HDAC10: variants seen among roughly 807,000 people sequenced by gnomAD.
HDAC10 encodes the protein histone deacetylase 10, also known as polyamine deacetylase HDAC10.
A neutral mutation model predicts 82.3 loss-of-function variants in HDAC10; 90 were observed. The observed-to-expected ratio is 1.09, with a 90% CI of 0.92 to 1.30. HDAC10 has a LOEUF of 1.30. Ranked by LOEUF, HDAC10 falls within the 50% of genes most tolerant of loss-of-function variation. The pLI is 0.00. For synonymous variants in HDAC10, 456 were observed against 391.7 expected, an observed-to-expected ratio of 1.16 and a Z score of -1.94; for missense variants, 934 against 876.3, an observed-to-expected ratio of 1.07 and a Z score of -0.83.
rs377073755 is a variant in HDAC10, at chr22:50,248,722, G to C, written c.846C>G (p.Phe282Leu). 6.4e-7 allele frequency: 1 copy of C among 1,568,712 alleles called. No homozygotes were observed. ...CCTGCAGCAGCTGTGTGAGGTGGGC[G>C]AAGCACTCTGGCGTGGCCTGCATTT... is the stretch of plus-strand genomic sequence containing the variant. ...EGQMQATPEC[F>L]AHLTQLLQVL... Residue 282 changes from phenylalanine (F) to leucine (L), a missense_variant, in exon 10 of 20, where the codon TTC (phenylalanine) becomes TTG (leucine). Phe to Leu is a conservative substitution (Grantham distance 22). Coordinates refer to ENST00000216271, the MANE Select transcript of HDAC10 (RefSeq NM_032019.6). The surrounding 1 kb of genome is among the most constrained non-coding windows in gnomAD (Gnocchi z 5.4).
chr22:50,247,961 T>C lies in HDAC10; in HGVS notation c.1266A>G (p.Thr422=). The C allele has an allele frequency of 6.2e-7, 1 of 1,612,806 alleles. No individual in the cohort carries two copies. Among genetic ancestry groups the C allele is most frequent in the Non-Finnish European group, 8.5e-7 (1 of 1,179,964 alleles). The part of the protein sequence containing the change: ...TAVALTTPDI[T]LVLPPDVIQQ... ...GGATGACGTCAGGGGGCAGAACCAA[T>C]GTGATATCCGGCGTTGTCAGGGCAA... Residue 422 remains threonine, a synonymous_variant, in exon 13 of 20, where the codon ACA becomes ACG. Transcript: ENST00000216271.
rs904163308 is a variant in HDAC10 at position 50,248,540 on chromosome 22, C to T, written c.907-68G>A. ...GGGATGGGATGTCACCGGGAGAGCCCCTGCCTGGCTCTATCCCGGGCAGGA... is the reference window on the plus strand; with the variant it reads ...GGGATGGGATGTCACCGGGAGAGCCTCTGCCTGGCTCTATCCCGGGCAGGA... On this transcript the variant is annotated intron_variant, in intron 10 of 19. Transcript: ENST00000216271. This position sits in a 1 kb window ranked among gnomAD's most constrained non-coding sequence, Gnocchi z 5.4. The T allele has an allele frequency of 3.9e-6, 6 of 1,520,068 alleles. No individual in the cohort carries two copies. The Admixed American group carries it at 7.6e-5, about 19-fold the overall frequency. The allele number at this position is 1,520,068 out of a possible 1,614,324, so 94.2% of individuals were successfully genotyped here.
At position 50,246,738 on chromosome 22, in the gene HDAC10, G is replaced by T. The variant is rs2064958670; in HGVS notation, c.1515-3C>A. The T allele has an allele frequency of 1.2e-6, 2 of 1,612,594 alleles. No individual in the cohort carries two copies. Among genetic ancestry groups the T allele is most frequent in the Non-Finnish European group, 1.7e-6 (2 of 1,179,968 alleles). On this transcript the variant is annotated splice_polypyrimidine_tract_variant and splice_region_variant and intron_variant, in intron 15 of 19. Transcript: ENST00000216271. ...GTCCCAGGGCCACGCACAGCAGCCTGGAAGAAGAGCTGGCCTCAGGACAGG... is the reference window on the plus strand; with the variant it reads ...GTCCCAGGGCCACGCACAGCAGCCTTGAAGAAGAGCTGGCCTCAGGACAGG...
Position 50,251,129 on chromosome 22 carries a change from G to C in HDAC10, c.-97C>G. ...TCGGCCGGGAGCAGCCGGAGGCCTG[G>C]GACCTGCCTGGGGCGCAGGCGGGCG... On this transcript the variant is annotated 5_prime_UTR_variant, in exon 1 of 20. Transcript: ENST00000216271. 1 of 1,325,228 alleles carries C rather than the reference G, an allele frequency of 7.5e-7. No individual in the cohort carries two copies. Among genetic ancestry groups the C allele is most frequent in the Non-Finnish European group, 1.0e-6 (1 of 957,034 alleles). The allele number at this position is 1,325,228 out of a possible 1,614,324, so 82.1% of individuals were successfully genotyped here. A position where few individuals can be genotyped will look rare whatever the true frequency, so the allele number is the denominator to read the frequency against.
In HDAC10 at chr22:50,247,786, A is replaced by T; in HGVS notation, c.1338-10T>A. 6.2e-7 allele frequency: 1 copy of T among 1,612,786 alleles called. No homozygotes were observed. Among genetic ancestry groups the T allele is most frequent in the Non-Finnish European group, 8.5e-7 (1 of 1,179,838 alleles). ...CAGGGACTCGTGTGGCCTGTGGTGGACAGACCAGAGGGACACACAGACACG... is the reference window on the plus strand; with the variant it reads ...CAGGGACTCGTGTGGCCTGTGGTGGTCAGACCAGAGGGACACACAGACACG... On this transcript the variant is annotated splice_polypyrimidine_tract_variant and intron_variant, in intron 13 of 19. Transcript: ENST00000216271.
chr22:50,250,960 C>T lies in HDAC10; in HGVS notation c.59+14G>A, dbSNP rs1276934675. The stretch of plus-strand genomic sequence containing the variant: ...GTCCCTCCCCGCACCCCACCTCGGC[C>T]AGGTCCCACTTACTCGTCCCAGAGC... On this transcript the variant is annotated intron_variant, in intron 1 of 19. Coordinates refer to ENST00000216271, the MANE Select transcript of HDAC10 (RefSeq NM_032019.6). The T allele has an allele frequency of 6.2e-7, 1 of 1,612,080 alleles. No homozygotes were observed.
rs775045503 is a variant in HDAC10 at position 50,249,627 on chromosome 22, C to T, written c.563+8G>A. The T allele has an allele frequency of 1.2e-6, 2 of 1,612,826 alleles. No homozygotes were observed. Among genetic ancestry groups the T allele is most frequent in the South Asian group, 1.1e-5 (1 of 91,088 alleles). On this transcript the variant is annotated splice_region_variant and intron_variant, in intron 6 of 19. Transcript: ENST00000216271. The surrounding 1 kb of genome is among the most constrained non-coding windows in gnomAD (Gnocchi z 4.4). ...GCAGGGAAGGGTGGTTTCCGCACCC[C>T]TGCTCACCTGGGGTCATCCTCAAAG...
Position 50,245,312 on chromosome 22 carries a change from G to C in HDAC10, c.*195C>G. 1.6e-6 allele frequency: 1 copy of C among 626,810 alleles called. No individual in the cohort carries two copies. Among genetic ancestry groups the C allele is most frequent in the Non-Finnish European group, 2.9e-6 (1 of 347,188 alleles). The allele number at this position is 626,810 out of a possible 1,614,324, so 38.8% of individuals were successfully genotyped here. ...GGACGGGCCGGGGCGCGATGGGTGG[G>C]GCGGGGGCGAGGTGAGGTGAGGGGT... On this transcript the variant is annotated 3_prime_UTR_variant, in exon 20 of 20. Transcript: ENST00000216271.
intron 18 of HDAC10, 38 bp downstream of exon 18, chr22:50,245,872 C>G: frequency 1.3e-6 from 2 of 1,551,326 alleles, no homozygotes; most frequent in South Asian, 1.2e-5. Flanking sequence ...TCCTTTCCCT[C>G]GTCCCACCCC....
chr22:50,250,007 T>C (rs2065047302), intron 4 of HDAC10, 43 bp from the exon 5 acceptor site: 2 of 1,609,304 alleles, frequency 1.2e-6, no homozygotes, highest in South Asian at 2.2e-5. Context: ...AGGGTCGCCC[T>C]GGCCCCTCAC....
intron 14 of HDAC10, 43 bp from the exon 15 acceptor site, chr22:50,247,009 TCCC>T: frequency 7.6e-7 from 1 of 1,319,392 alleles, no homozygotes; most frequent in Non-Finnish European, 1.1e-6. Flanking sequence ...ACCAACCAAC[TCCC>T]AAGCCAGGTA....
chr22:50,250,138 A>T lies in HDAC10; in HGVS notation c.314T>A (p.Leu105Gln). Residue 105 changes from leucine to glutamine, a missense_variant, in exon 4 of 20, where the codon CTG (leucine) becomes CAG (glutamine). Transcript: ENST00000216271. ...FHPSTFHCAR[L>Q]AAGAGLQLVD... ...CAGCTGCAGTCCAGCCCCTGCGGCC[A>T]GCCGCGCGCAGTGAAAGGTACTCTG... 6.2e-7 allele frequency: 1 copy of T among 1,612,534 alleles called. No individual in the cohort carries two copies. The highest frequency in any genetic ancestry group is 2.2e-5 in the East Asian group (1 of 44,866).
In HDAC10 at chr22:50,246,732, C is replaced by T. The variant is rs1216786185; in HGVS notation, c.1518G>A (p.Leu506=). ...CCAGCTGTCCCAGGGCCACGCACAG[C>T]AGCCTGGAAGAAGAGCTGGCCTCAG... The part of the protein sequence containing the change: ...RRGLSHGAQR[L]LCVALGQLDR... Residue 506 remains leucine, a synonymous_variant, in exon 16 of 20, where the codon CTG becomes CTA. Transcript: ENST00000216271. 2 of 1,612,562 alleles carry T rather than the reference C, an allele frequency of 1.2e-6. No homozygotes were observed. The highest frequency in any genetic ancestry group is 1.1e-5 in the South Asian group (1 of 91,048).
At chr22:50,250,018 A>G (rs2065047956) in intron 4 of HDAC10, 45 bp downstream of exon 4, 2 of 1,604,452 alleles carry the variant, frequency 1.2e-6, no homozygotes, top group Non-Finnish European at 1.7e-6. Context: ...GGCCCCTCAC[A>G]GGGCCACCCA....
intron 16 of HDAC10, 118 bp from the exon 17 acceptor site, chr22:50,246,494 GC>G: frequency 9.5e-7 from 1 of 1,056,106 alleles, no homozygotes; most frequent in East Asian, 2.4e-5. Context: ...TGACTGCTGA[GC>G]CTCTGTGCTG....
chr22:50,250,041 C>T (rs1258541087), intron 4 of HDAC10, 22 bp downstream of exon 4: 1 of 1,611,632 alleles, frequency 6.2e-7, no homozygotes, highest in Non-Finnish European at 8.5e-7. Context: ...GAGGAGCAGC[C>T]AGGGGAAGGG....
Position 50,250,804 on chromosome 22 carries a change from T to C in HDAC10, c.161A>G (p.Glu54Gly), listed in dbSNP as rs2065072284. The change falls in exon 2 of 20, where the codon GAG (glutamate) becomes GGG (glycine). Residue 54 changes from glutamate to glycine, a missense_variant. By Grantham distance (98) the Glu-to-Gly change is moderately conservative. Coordinates refer to ENST00000216271, the MANE Select transcript of HDAC10 (RefSeq NM_032019.6). ...EQRCLRLSAR[E>G]ASEEELGLVH... ...CAGGCCCAGCTCCTCTTCCGAGGCC[T>C]CGCGGGCTGACAACCGCAGACACCT... 3 of 1,603,522 alleles carry C rather than the reference T, an allele frequency of 1.9e-6. No individual in the cohort carries two copies. The highest frequency in any genetic ancestry group is 2.6e-6 in the Non-Finnish European group (3 of 1,176,420).
chr22:50,246,971 G>C lies in HDAC10; in HGVS notation c.1423-5C>G. 6.3e-7 allele frequency: 1 copy of C among 1,588,208 alleles called. No homozygotes were observed. The highest frequency in any genetic ancestry group is 1.7e-4 in the Middle Eastern group (1 of 5,974). ...GGCTGCTATACCACTGTTCACCTGTGGGATGAATAAACAGTGGAGAATGAG... is the reference window on the plus strand; with the variant it reads ...GGCTGCTATACCACTGTTCACCTGTCGGATGAATAAACAGTGGAGAATGAG... On this transcript the variant is annotated splice_polypyrimidine_tract_variant and splice_region_variant and intron_variant, in intron 14 of 19. Coordinates refer to ENST00000216271, the MANE Select transcript of HDAC10 (RefSeq NM_032019.6).
At chr22:50,247,830 C>G in intron 13 of HDAC10, 54 bp from the exon 14 acceptor site, 1 of 1,612,628 alleles carries the variant, frequency 6.2e-7, no homozygotes, top group Non-Finnish European at 8.5e-7. Flanking sequence ...GCAGGTCAGG[C>G]ACACACAGGC....
Sources: gnomAD v4.1 joint callset for allele counts on GRCh38, gnomAD v4.1.1 for gene constraint, Gnocchi (gnomAD v3.1) non-coding constraint, MANE v1.5 for transcripts, NCBI Gene and HGNC (gene_info 2026-07-23, HGNC 2026-07-21) for gene names.